The following NEDD4L variants were observed in gnomAD, a reference collection of about 807,000 sequenced individuals.
NEDD4L encodes E3 ubiquitin-protein ligase NEDD4-like.
Under a neutral mutation model 148.9 loss-of-function variants are expected in NEDD4L, and 54 were observed. The ratio of observed to expected loss-of-function variants is 0.36; its 90% CI spans 0.29 to 0.45. The LOEUF (loss-of-function observed/expected upper bound fraction) is 0.45, where lower values mean the gene tolerates loss of function less well. NEDD4L is among the 20% of genes least tolerant of loss of function. The pLI, the probability that NEDD4L is intolerant of heterozygous loss-of-function variation, is 1.00. For synonymous variants in NEDD4L, 433 were observed against 440.7 expected (o/e 0.98, Z 0.22); for missense variants, 856 against 1,233.8 (o/e 0.69, Z 4.59).
chr18:58,242,781 C>T (rs1313758860), intron 2 of NEDD4L, among the ~76,000 whole-genome samples: 3 of 152,216 alleles, frequency 2.0e-5, no homozygotes, highest in East Asian at 1.9e-4. Flanking sequence ...GTTGGGACTA[C>T]AGGCGTGAGC....
At chr18:58,045,463 A>G (rs2081534331) in intron 1 of NEDD4L, 10 of 238,706 alleles carry the variant, frequency 4.2e-5, no homozygotes, top group Non-Finnish European at 1.6e-5. Context: ...AAGCGACTGA[A>G]TAAGCCACGC....
At chr18:58,316,712 G>A (rs2058308806) in intron 6 of NEDD4L, among the ~76,000 whole-genome samples, 1 of 152,232 alleles carries the variant, frequency 6.6e-6, no homozygotes, top group South Asian at 2.1e-4. Flanking sequence ...GACAGAATGT[G>A]TAGGTAGGAC....
intron 1 of NEDD4L, among the ~76,000 whole-genome samples, chr18:58,095,577 G>A (rs2084345646): frequency 6.6e-6 from 1 of 152,232 alleles, no homozygotes; most frequent in Non-Finnish European, 1.5e-5. Context: ...GAGAGAAGCT[G>A]TGGCCGCCTT....
intron 30 of NEDD4L, among the ~76,000 whole-genome samples, chr18:58,395,671 C>A (rs1437211913): frequency 6.6e-6 from 1 of 152,132 alleles, no homozygotes; most frequent in African/African-American, 2.4e-5. Context: ...ACCTCAGGAA[C>A]CTTGCCCTAT....
intron 5 of NEDD4L, among the ~76,000 whole-genome samples, chr18:58,287,220 A>C (rs1289848080): frequency 1.3e-5 from 2 of 152,054 alleles, no homozygotes; most frequent in African/African-American, 4.8e-5. Context: ...GGCAGCTCTC[A>C]ACCCAGCACG....
chr18:58,344,512 T>C (rs1439993736), intron 16 of NEDD4L, among the ~76,000 whole-genome samples: 1 of 152,186 alleles, frequency 6.6e-6, no homozygotes, highest in Non-Finnish European at 1.5e-5. Flanking sequence ...TAAGAGCTCT[T>C]TCTATTTTGA....
At chr18:58,044,805 C>A (rs1370941531) in intron 1 of NEDD4L, 97 bp downstream of exon 1, 11 of 1,462,934 alleles carry the variant, frequency 7.5e-6, no homozygotes, top group Non-Finnish European at 1.0e-5. Flanking sequence ...GGTGCTCGTG[C>A]CCAGCGTCTG....
chr18:58,077,971 G>T (rs1477877425), intron 1 of NEDD4L, among the ~76,000 whole-genome samples: 2 of 151,206 alleles, frequency 1.3e-5, no homozygotes, highest in Non-Finnish European at 2.9e-5. Flanking sequence ...AGGATGGGGA[G>T]TTATCTGGAC....
At chr18:58,369,042 A>T (rs1173555015) in intron 22 of NEDD4L, among the ~76,000 whole-genome samples, 1 of 152,212 alleles carries the variant, frequency 6.6e-6, no homozygotes, top group Non-Finnish European at 1.5e-5. Context: ...TAGTCAGCTT[A>T]TATTTTAGCG....
At chr18:58,266,464 G>T (rs2050233072) in intron 5 of NEDD4L, among the ~76,000 whole-genome samples, 2 of 152,124 alleles carry the variant, frequency 1.3e-5, no homozygotes, top group African/African-American at 4.8e-5. Context: ...TCTTTTCAGT[G>T]TCTAATTATG....
chr18:58,246,573 T>C (rs1187176371), intron 3 of NEDD4L, among the ~76,000 whole-genome samples: 1 of 152,170 alleles, frequency 6.6e-6, no homozygotes, highest in Admixed American at 6.5e-5. Context: ...CAAGTGATTC[T>C]CCTGCCTCAG....
At chr18:58,358,879 T>G (rs138800432) in intron 19 of NEDD4L, among the ~76,000 whole-genome samples, 195 of 152,334 alleles carry the variant, frequency 1.3e-3, no homozygotes, top group African/African-American at 4.5e-3. Flanking sequence ...TATTCATTTT[T>G]TTTTATTGAT....
chr18:58,341,651 G>C (rs1172574690), intron 14 of NEDD4L, 27 bp from the exon 15 acceptor site: 5 of 1,603,418 alleles, frequency 3.1e-6, no homozygotes, highest in Non-Finnish European at 4.3e-6. Flanking sequence ...CTCCTATGAA[G>C]CTAACTTGTT....
At chr18:58,123,980 C>T (rs1041488218) in intron 1 of NEDD4L, among the ~76,000 whole-genome samples, 38 of 152,188 alleles carry the variant, frequency 2.5e-4, no homozygotes, top group African/African-American at 8.9e-4. Flanking sequence ...AGCGTAAAAA[C>T]AGGCCTTATG....
Position 58,256,644 on chromosome 18 carries a change from A to T in NEDD4L, c.297+4590A>T, listed in dbSNP as rs907095277. The T allele has an allele frequency of 5.0e-5, 61 of 1,232,064 alleles. No individual in the cohort carries two copies. Among genetic ancestry groups the T allele is most frequent in the Admixed American group, 1.3e-4 (3 of 23,702 alleles). 76.3% of individuals were successfully genotyped at this position (1,232,064 alleles called of 1,614,324 possible). ...CCGCAGGGCCAGGGGTGCACATTTAAGATCAGGCAGGATCAGAACGCGGGG... is the reference window on the plus strand; with the variant it reads ...CCGCAGGGCCAGGGGTGCACATTTATGATCAGGCAGGATCAGAACGCGGGG... On this transcript the variant is annotated intron_variant, in intron 5 of 30. Transcript: ENST00000400345. This position sits in a 1 kb window ranked among gnomAD's most constrained non-coding sequence, Gnocchi z 5.2.
intron 2 of NEDD4L, among the ~76,000 whole-genome samples, chr18:58,239,999 G>C (rs1041879137): frequency 5.3e-5 from 8 of 152,172 alleles, no homozygotes; most frequent in African/African-American, 1.9e-4. Flanking sequence ...TTTTGACCAG[G>C]ATTTCTTGGT....
At chr18:58,071,740 G>A (rs2082882166) in intron 1 of NEDD4L, among the ~76,000 whole-genome samples, 1 of 152,164 alleles carries the variant, frequency 6.6e-6, no homozygotes, top group Admixed American at 6.5e-5. Context: ...CACATGGCTG[G>A]GGAGGCCTCA....
At chr18:58,187,602 C>T (rs1170749108) in intron 2 of NEDD4L, among the ~76,000 whole-genome samples, 3 of 152,038 alleles carry the variant, frequency 2.0e-5, no homozygotes, top group Non-Finnish European at 4.4e-5. Context: ...TTTCCCTTCT[C>T]TTCACATGGT....
At chr18:58,391,586 A>C in intron 30 of NEDD4L, 27 bp downstream of exon 30, 2 of 1,485,076 alleles carry the variant, frequency 1.3e-6, no homozygotes, top group Non-Finnish European at 1.8e-6. Flanking sequence ...CATGCATGTC[A>C]ATGCAATATC....
Sources: allele counts gnomAD v4.1 joint callset (sites outside exome capture counted in the v4.1 genomes callset), GRCh38; gene constraint gnomAD v4.1.1; non-coding constraint Gnocchi (gnomAD v3.1); transcripts MANE v1.5; gene names NCBI Gene and HGNC (gene_info 2026-07-23, HGNC 2026-07-21).